DGCR2: variants seen among roughly 807,000 people sequenced by gnomAD.
DGCR2 encodes DiGeorge syndrome critical region gene 2.
Under a neutral mutation model 51.6 loss-of-function variants are expected in DGCR2, and 24 were observed. The ratio of observed to expected loss-of-function variants is 0.47; its 90% CI spans 0.34 to 0.65. The LOEUF (loss-of-function observed/expected upper bound fraction) is 0.65. Ranked by LOEUF, DGCR2 falls within the 30% of genes least tolerant of loss-of-function variation. The probability of loss-of-function intolerance (pLI) is 0.01; values close to 1 mark genes in which losing one functional copy is unlikely to be tolerated. For missense variants in DGCR2, 765 were observed against 772.1 expected (o/e 0.99, Z 0.11); for synonymous variants, 340 against 315.4 (o/e 1.08, Z -0.82).
intron 2 of DGCR2, among the ~76,000 whole-genome samples, chr22:19,088,422 A>G (rs1288354732): frequency 1.2e-4 from 19 of 152,218 alleles, no homozygotes; most frequent in Non-Finnish European, 5.9e-5. Context: ...GAAACAGAAC[A>G]AGAGAATTCC....
Position 19,057,727 on chromosome 22 carries a change from A to G in DGCR2, c.626-565T>C, listed in dbSNP as rs1158900790. Among the ~76,000 whole-genome samples, 1 of 150,912 alleles carries G rather than the reference A, an allele frequency of 6.6e-6. No individual in the cohort carries two copies. Among genetic ancestry groups the G allele is most frequent in the Non-Finnish European group, 1.5e-5 (1 of 67,818 alleles). ...GCACTGGCTCCCGGGGACCTCTCTC[A>G]GCTCAAGGGAAACTGTCACCCACTC... On this transcript the variant is annotated intron_variant, in intron 5 of 9. Transcript: ENST00000263196. This position sits in a 1 kb window ranked among gnomAD's most constrained non-coding sequence, Gnocchi z 5.1.
intron 2 of DGCR2, among the ~76,000 whole-genome samples, chr22:19,086,574 G>C (rs1181036723): frequency 6.6e-6 from 1 of 152,084 alleles, no homozygotes; most frequent in Non-Finnish European, 1.5e-5. Context: ...GGAGAAGCAG[G>C]GTGAGCCTTG....
chr22:19,080,896 T>C (rs552232473), intron 2 of DGCR2, among the ~76,000 whole-genome samples: 2 of 152,156 alleles, frequency 1.3e-5, no homozygotes, highest in Admixed American at 6.5e-5. Context: ...TGATGGAAAG[T>C]GAAGAAGGGA....
In DGCR2 at chr22:19,068,218, G is replaced by A. The variant is rs761519423; in HGVS notation, c.210C>T (p.Thr70=). 17 of 1,597,010 alleles carry A rather than the reference G, an allele frequency of 1.1e-5. No homozygotes were observed. Among genetic ancestry groups the A allele is most frequent in the South Asian group, 2.3e-5 (2 of 88,802 alleles). The stretch of plus-strand genomic sequence containing the variant: ...TCCCATGATGAGGACGCACCTCCCC[G>A]GTCACTTCTGAAAGCAAAAGGAGAT... ...ESDEANCPEV[T]GEVRPHHGKE... Residue 70 remains threonine, a synonymous_variant, in exon 3 of 10, where the codon ACC becomes ACT. Transcript: ENST00000263196.
intron 2 of DGCR2, among the ~76,000 whole-genome samples, chr22:19,076,226 T>C (rs934534025): frequency 6.6e-6 from 1 of 152,216 alleles, no homozygotes; most frequent in African/African-American, 2.4e-5. Context: ...AGTGGCATGA[T>C]CTCAGCTCAC....
intron 2 of DGCR2, among the ~76,000 whole-genome samples, chr22:19,084,079 C>A (rs1429139611): frequency 6.6e-6 from 1 of 152,154 alleles, no homozygotes; most frequent in Non-Finnish European, 1.5e-5. Flanking sequence ...ACAACCTCCA[C>A]CTCCCAGCCG....
At chr22:19,087,219 C>T (rs978164324) in intron 2 of DGCR2, among the ~76,000 whole-genome samples, 1 of 152,114 alleles carries the variant, frequency 6.6e-6, no homozygotes, top group African/African-American at 2.4e-5. Context: ...GGCTTTGACC[C>T]CAAAGACCCA....
intron 2 of DGCR2, among the ~76,000 whole-genome samples, chr22:19,071,997 T>C (rs1345262873): frequency 5.9e-5 from 9 of 152,112 alleles, no homozygotes. Flanking sequence ...TATTGCACTA[T>C]GATTATGAGT....
chr22:19,041,874 C>T lies in DGCR2; in HGVS notation c.1092G>A (p.Leu364=). The T allele has an allele frequency of 6.2e-7, 1 of 1,613,536 alleles. No individual in the cohort carries two copies. The highest frequency in any genetic ancestry group is 8.5e-7 in the Non-Finnish European group (1 of 1,179,978). Residue 364 remains leucine (L), a synonymous_variant, in exon 8 of 10, where the codon CTG becomes CTA. Coordinates refer to ENST00000263196, the MANE Select transcript of DGCR2 (RefSeq NM_005137.3). Reference sequence around the variant, plus strand: ...GGCGCAGCCGGTGGACCATGAAGAGCAGCAGTGACAGGATGAGGAAGGAGG... The same window carrying T: ...GGCGCAGCCGGTGGACCATGAAGAGTAGCAGTGACAGGATGAGGAAGGAGG... ...CISSFLILSL[L]LFMVHRLRQR... is the part of the protein sequence containing the mutation.
chr22:19,108,569 T>TAAAAAAAAAAAAAAAAAA (rs55803042), intron 1 of DGCR2, among the ~76,000 whole-genome samples: 3 of 90,724 alleles, frequency 3.3e-5, no homozygotes, highest in African/African-American at 1.1e-4. Flanking sequence ...AGAATTTATC[T>TAAAAAAAAAAAAAAAAAA]AAAAAAAAAA....
intron 1 of DGCR2, among the ~76,000 whole-genome samples, chr22:19,095,020 T>C (rs1448292379): frequency 6.6e-6 from 1 of 152,148 alleles, no homozygotes; most frequent in Admixed American, 6.5e-5. Flanking sequence ...ATACGCTGTG[T>C]TTGTTATCTT....
intron 7 of DGCR2, among the ~76,000 whole-genome samples, chr22:19,043,268 A>G (rs1422782533): frequency 6.6e-6 from 1 of 152,226 alleles, no homozygotes; most frequent in Non-Finnish European, 1.5e-5. Context: ...GTGCTGTTCA[A>G]CATCCTCCAG....
At chr22:19,066,809 G>A (rs542603346) in intron 3 of DGCR2, among the ~76,000 whole-genome samples, 44 of 152,362 alleles carry the variant, frequency 2.9e-4, no homozygotes, top group African/African-American at 1.0e-3. Context: ...AGTGCTGCCT[G>A]TTCAAAACTG....
At chr22:19,108,569 TAAAAAAAAAAAAA>T (rs55803042) in intron 1 of DGCR2, among the ~76,000 whole-genome samples, 15 of 90,724 alleles carry the variant, frequency 1.7e-4, no homozygotes, top group East Asian at 4.0e-4. Context: ...AGAATTTATC[TAAAAAAAAAAAAA>T]AAAAAAAAAA....
chr22:19,037,655 A>G lies in DGCR2; in HGVS notation c.*1210T>C, dbSNP rs1273372586. ...GATCCAGACATTCAACGTAGAAAAGATATGGATGTGCTAAAAATCGCACAG... is the reference window on the plus strand; with the variant it reads ...GATCCAGACATTCAACGTAGAAAAGGTATGGATGTGCTAAAAATCGCACAG... On this transcript the variant is annotated 3_prime_UTR_variant, in exon 10 of 10. Transcript: ENST00000263196. 1 of 152,284 alleles carries G rather than the reference A, an allele frequency of 6.6e-6. No homozygotes were observed. The highest frequency in any genetic ancestry group is 2.4e-5 in the African/African-American group (1 of 41,460). 9.4% of individuals were successfully genotyped at this position (152,284 alleles called of 1,614,324 possible). A position where few individuals can be genotyped will look rare whatever the true frequency, so the allele number is the denominator to read the frequency against.
chr22:19,109,651 G>A (rs969416700), intron 1 of DGCR2, among the ~76,000 whole-genome samples: 1 of 152,162 alleles, frequency 6.6e-6, no homozygotes, highest in Non-Finnish European at 1.5e-5. Context: ...TACTCAATAG[G>A]TACTGAGTTT....
intron 7 of DGCR2, 63 bp from the exon 8 acceptor site, chr22:19,042,022 A>G (rs909972353): frequency 6.5e-7 from 1 of 1,549,354 alleles, no homozygotes; most frequent in Non-Finnish European, 8.7e-7. Context: ...TACGCTGGGG[A>G]TGCTGTCGTC....
rs2073776 is a variant in DGCR2, at chr22:19,037,138, C to T, written c.*1727G>A. The T allele has an allele frequency of 0.42, 64,272 of 152,162 alleles. 15,362 individuals are homozygous for T. The highest frequency in any genetic ancestry group is 0.66 in the African/African-American group (27,223 of 41,498). The allele number at this position is 152,162 out of a possible 1,614,324, so 9.4% of individuals were successfully genotyped here. On this transcript the variant is annotated 3_prime_UTR_variant, in exon 10 of 10. Transcript: ENST00000263196. ...GTCCTCTGCAGCCAGTAGGGGACTCCTGTGGCCAGGACTTCCTTGTTAAGT... is the reference window on the plus strand; with the variant it reads ...GTCCTCTGCAGCCAGTAGGGGACTCTTGTGGCCAGGACTTCCTTGTTAAGT...
intron 2 of DGCR2, among the ~76,000 whole-genome samples, chr22:19,080,698 TG>T (rs2082926462): frequency 6.6e-6 from 1 of 152,170 alleles, no homozygotes; most frequent in South Asian, 2.1e-4. Flanking sequence ...TAGCTGGGCA[TG>T]GTGGTACACG....
Sources: gnomAD v4.1 joint callset for allele counts (sites outside exome capture counted in the v4.1 genomes callset) on GRCh38, gnomAD v4.1.1 for gene constraint, Gnocchi (gnomAD v3.1) non-coding constraint, MANE v1.5 for transcripts, NCBI Gene and HGNC (gene_info 2026-07-23, HGNC 2026-07-21) for gene names.